The following PIK3R6 variants were observed in gnomAD, a reference collection of about 807,000 sequenced individuals.
PIK3R6 encodes phosphoinositide 3-kinase regulatory subunit 6.
A neutral mutation model predicts 84.9 loss-of-function variants in PIK3R6; 91 were observed. That is an observed-to-expected ratio of 1.07 (90% CI 0.90 to 1.28). PIK3R6 has a LOEUF of 1.28. PIK3R6 is among the 50% of genes most tolerant of loss of function. The probability of loss-of-function intolerance (pLI) is 0.00; values close to 1 mark genes in which losing one functional copy is unlikely to be tolerated. For synonymous variants in PIK3R6, 416 were observed against 411.4 expected, an observed-to-expected ratio of 1.01 and a Z score of -0.13; for missense variants, 996 against 985.1, an observed-to-expected ratio of 1.01 and a Z score of -0.15.
rs758405800 is a variant in PIK3R6, at chr17:8,828,807, C to G, written c.1073G>C (p.Ser358Thr). The change falls in exon 11 of 20, where the codon AGC becomes ACC. Residue 358 changes from serine to threonine, a missense_variant. Coordinates refer to ENST00000619866, the MANE Select transcript of PIK3R6 (RefSeq NM_001010855.4). ...TGADELPAPG[S>T]PEMERAGLQR... is the part of the protein sequence containing the mutation. ...CAGCCCGGCTCGCTCCATCTCAGGG[C>G]TGCCGGGTGCAGGCAGCTCATCAGC... is the stretch of plus-strand genomic sequence containing the variant. The G allele has an allele frequency of 3.1e-6, 5 of 1,588,000 alleles. No homozygotes were observed. Among genetic ancestry groups the G allele is most frequent in the Non-Finnish European group, 2.6e-6 (3 of 1,165,288 alleles).
intron 18 of PIK3R6, among the ~76,000 whole-genome samples, chr17:8,812,294 T>G (rs866046351): frequency 6.6e-5 from 10 of 152,168 alleles, no homozygotes; most frequent in Admixed American, 6.5e-4. Context: ...CAGACACCAA[T>G]AGAATAATAG....
chr17:8,807,189 C>T (rs2087230507), intron 18 of PIK3R6, among the ~76,000 whole-genome samples: 1 of 152,192 alleles, frequency 6.6e-6, no homozygotes, highest in African/African-American at 2.4e-5. Flanking sequence ...GCAGACCTCT[C>T]AGCCAATCAG....
rs904055977 is a variant in PIK3R6, at chr17:8,839,053, A to G, written c.98-398T>C. ...AGTGGAGCTAGGGAAGGTGGTTAAC[A>G]AAGAGGGTGGCAGGCCGGGTGCCGT... On this transcript the variant is annotated intron_variant, in intron 3 of 19. Coordinates refer to ENST00000619866, the MANE Select transcript of PIK3R6 (RefSeq NM_001010855.4). The surrounding 1 kb of genome is among the most constrained non-coding windows in gnomAD (Gnocchi z 4.2). Among the ~76,000 whole-genome samples the G allele has an allele frequency of 1.1e-4, 16 of 152,220 alleles. No individual in the cohort carries two copies. Among genetic ancestry groups the G allele is most frequent in the African/African-American group, 3.9e-4 (16 of 41,454 alleles).
chr17:8,827,638 C>T lies in PIK3R6; in HGVS notation c.1393-344G>A, dbSNP rs567811822. Reference sequence around the variant, plus strand: ...AGGACTGCAAGTGTGGCTCTGTCCCCACAACTAGATCAATGGACTTCACTG... The same window carrying T: ...AGGACTGCAAGTGTGGCTCTGTCCCTACAACTAGATCAATGGACTTCACTG... On this transcript the variant is annotated intron_variant, in intron 12 of 19. Coordinates refer to ENST00000619866, the MANE Select transcript of PIK3R6 (RefSeq NM_001010855.4). Among the ~76,000 whole-genome samples, 165 of 151,726 alleles carry T rather than the reference C, an allele frequency of 1.1e-3. 1 individual carries two copies. The highest frequency in any genetic ancestry group is 3.6e-3 in the African/African-American group (150 of 41,318).
At chr17:8,820,192 G>A (rs1237354911) in intron 17 of PIK3R6, among the ~76,000 whole-genome samples, 1 of 150,890 alleles carries the variant, frequency 6.6e-6, no homozygotes, top group African/African-American at 2.4e-5. Flanking sequence ...CTGTGTGCCT[G>A]CTGGTAGGCT....
At chr17:8,853,944 A>G (rs1041652656) in intron 1 of PIK3R6, among the ~76,000 whole-genome samples, 4 of 148,750 alleles carry the variant, frequency 2.7e-5, no homozygotes, top group Non-Finnish European at 6.0e-5. Context: ...GCCTGGTGAC[A>G]GAGAGAGACT....
chr17:8,840,198 T>C (rs28377381), intron 2 of PIK3R6, among the ~76,000 whole-genome samples: 24,224 of 103,156 alleles, frequency 0.23, 3,875 homozygotes, highest in Non-Finnish European at 0.26. Flanking sequence ...GAAATATATA[T>C]AGCCTCCAAA....
chr17:8,866,720 C>T (rs183632675), intron 1 of PIK3R6, among the ~76,000 whole-genome samples: 1 of 152,216 alleles, frequency 6.6e-6, no homozygotes, highest in East Asian at 1.9e-4. Context: ...GAGCCTCAGC[C>T]AGGCACCACC....
Position 8,803,673 on chromosome 17 carries a change from TCC to T in PIK3R6, c.2109-246_2109-245del. 1 of 547,238 alleles carries T rather than the reference TCC, an allele frequency of 1.8e-6. No homozygotes were observed. The highest frequency in any genetic ancestry group is 3.1e-5 in the East Asian group (1 of 32,270). The allele number at this position is 547,238 out of a possible 1,614,324, so 33.9% of individuals were successfully genotyped here. A position where few individuals can be genotyped will look rare whatever the true frequency, so the allele number is the denominator to read the frequency against. ...CATGCCTCCCTTACCCAAACACACC[TCC>T]CGAGGGGAAGCCAGTAAGGGTCAGC... On this transcript the variant is annotated intron_variant, in intron 19 of 19. Coordinates refer to ENST00000619866, the MANE Select transcript of PIK3R6 (RefSeq NM_001010855.4). This position sits in a 1 kb window ranked among gnomAD's most constrained non-coding sequence, Gnocchi z 5.0.
At chr17:8,851,413 G>C (rs887792957) in intron 1 of PIK3R6, among the ~76,000 whole-genome samples, 1 of 139,302 alleles carries the variant, frequency 7.2e-6, no homozygotes, top group Non-Finnish European at 1.6e-5. Context: ...GGAGAATGGC[G>C]TGAACCCCGG....
chr17:8,819,493 G>A (rs1004566600), intron 17 of PIK3R6, among the ~76,000 whole-genome samples: 2 of 151,710 alleles, frequency 1.3e-5, no homozygotes, highest in Non-Finnish European at 2.9e-5. Context: ...CTTTTTAAAA[G>A]GAATAAAATT....
At chr17:8,824,221 A>C (rs187977746) in intron 13 of PIK3R6, among the ~76,000 whole-genome samples, 8 of 152,226 alleles carry the variant, frequency 5.3e-5, no homozygotes, top group African/African-American at 1.7e-4. Context: ...GTGAGCCAAG[A>C]TTGTGCCATT....
chr17:8,808,162 C>T (rs540165911), intron 18 of PIK3R6, among the ~76,000 whole-genome samples: 8 of 152,214 alleles, frequency 5.3e-5, no homozygotes, highest in East Asian at 1.9e-4. Context: ...TACCATTAAA[C>T]GAGACAGGAG....
intron 2 of PIK3R6, among the ~76,000 whole-genome samples, chr17:8,846,321 G>A (rs1031513131): frequency 5.9e-5 from 9 of 152,116 alleles, no homozygotes; most frequent in African/African-American, 2.2e-4. Context: ...TTGTTTATAT[G>A]TCTATTTTTA....
intron 18 of PIK3R6, among the ~76,000 whole-genome samples, chr17:8,805,779 G>A (rs1327236728): frequency 2.0e-5 from 3 of 152,140 alleles, no homozygotes; most frequent in Admixed American, 1.3e-4. Context: ...TTAGCCAGGC[G>A]TAGTGGCGGG....
intron 2 of PIK3R6, among the ~76,000 whole-genome samples, chr17:8,845,953 A>G (rs1372098364): frequency 6.6e-6 from 1 of 152,158 alleles, no homozygotes; most frequent in Non-Finnish European, 1.5e-5. Flanking sequence ...TCAAAACAAA[A>G]CAAAAAGAAG....
At position 8,823,516 on chromosome 17, in the gene PIK3R6, A is replaced by ATTCCC; in HGVS notation, c.1516-20_1516-19insGGGAA. The ATTCCC allele has an allele frequency of 6.5e-7, 1 of 1,530,650 alleles. No homozygotes were observed. Among genetic ancestry groups the ATTCCC allele is most frequent in the Non-Finnish European group, 9.0e-7 (1 of 1,106,596 alleles). 94.8% of individuals were successfully genotyped at this position (1,530,650 alleles called of 1,614,324 possible). A position where few individuals can be genotyped will look rare whatever the true frequency, so the allele number is the denominator to read the frequency against. ...AAGGAGGCTGTGATGGAGACAGGGA[A>ATTCCC]TGTCTTCACCAACTCCCCCAAGGCC... is the stretch of plus-strand genomic sequence containing the variant. On this transcript the variant is annotated intron_variant, in intron 13 of 19. Transcript: ENST00000619866.
At chr17:8,829,516 A>G (rs934976789) in intron 10 of PIK3R6, among the ~76,000 whole-genome samples, 190 bp downstream of exon 10, 20 of 112,778 alleles carry the variant, frequency 1.8e-4, no homozygotes, top group Admixed American at 4.4e-4. Context: ...ACACTCATGC[A>G]TACACACACA....
At chr17:8,826,764 T>G (rs985721614) in intron 13 of PIK3R6, among the ~76,000 whole-genome samples, 2 of 152,158 alleles carry the variant, frequency 1.3e-5, no homozygotes, top group Non-Finnish European at 2.9e-5. Context: ...CTGCATGTTC[T>G]GCACATGTAT....
Sources: allele counts gnomAD v4.1 joint callset (sites outside exome capture counted in the v4.1 genomes callset), GRCh38; gene constraint gnomAD v4.1.1; non-coding constraint Gnocchi (gnomAD v3.1); transcripts MANE v1.5; gene names NCBI Gene and HGNC (gene_info 2026-07-23, HGNC 2026-07-21).